The following CACNG2 variants were observed in gnomAD, a reference collection of about 807,000 sequenced individuals.
CACNG2 encodes calcium voltage-gated channel auxiliary subunit gamma 2.
A neutral mutation model predicts 25.9 loss-of-function variants in CACNG2; 3 were observed. The observed-to-expected ratio is 0.12, with a 90% CI of 0.05 to 0.30. The LOEUF (loss-of-function observed/expected upper bound fraction) is 0.30. Among genes scored for constraint, CACNG2 ranks in the 10% least tolerant of loss-of-function variants. CACNG2 has a pLI of 1.00. For missense variants in CACNG2, 341 were observed against 432.5 expected (o/e 0.79, Z 1.88); for synonymous variants, 167 against 173.3 (o/e 0.96, Z 0.29).
intron 1 of CACNG2, among the ~76,000 whole-genome samples, chr22:36,597,006 CCACT>C (rs1228850412): frequency 2.0e-5 from 3 of 151,994 alleles, no homozygotes; most frequent in Non-Finnish European, 4.4e-5. Context: ...CCCTCCTCAG[CCACT>C]CAGAGTTCCT....
chr22:36,568,390 CTT>C (rs753055859), intron 2 of CACNG2, among the ~76,000 whole-genome samples: 3 of 151,866 alleles, frequency 2.0e-5, no homozygotes, highest in Non-Finnish European at 4.4e-5. Context: ...TTTTCTTTTT[CTT>C]TTTTAAAATT....
At chr22:36,578,199 T>TA (rs1045968556) in intron 2 of CACNG2, among the ~76,000 whole-genome samples, 21 of 150,326 alleles carry the variant, frequency 1.4e-4, no homozygotes, top group East Asian at 3.9e-4. Flanking sequence ...CCGTCTCTAC[T>TA]AAAAAAAAAT....
At chr22:36,674,345 T>C (rs1015491324) in intron 1 of CACNG2, among the ~76,000 whole-genome samples, 4 of 152,240 alleles carry the variant, frequency 2.6e-5, no homozygotes, top group Non-Finnish European at 4.4e-5. Context: ...TGCTTTTTTT[T>C]TGAGACGGAG....
At chr22:36,670,921 CTT>C (rs746898344) in intron 1 of CACNG2, among the ~76,000 whole-genome samples, 17 of 132,830 alleles carry the variant, frequency 1.3e-4, no homozygotes, top group Admixed American at 2.3e-4. Context: ...AGTCTATATT[CTT>C]TTTTTTTTTT....
chr22:36,648,057 G>A (rs1419608696), intron 1 of CACNG2, among the ~76,000 whole-genome samples: 6 of 152,194 alleles, frequency 3.9e-5, no homozygotes, highest in Non-Finnish European at 8.8e-5. Context: ...GTCTAATAAA[G>A]CAAAAGCCAG....
At chr22:36,697,539 T>C (rs571910232) in intron 1 of CACNG2, among the ~76,000 whole-genome samples, 1 of 152,276 alleles carries the variant, frequency 6.6e-6, no homozygotes, top group Admixed American at 6.5e-5. Context: ...CTTTGGTGTG[T>C]TGTTCATTCC....
At chr22:36,671,254 A>G (rs1936945335) in intron 1 of CACNG2, among the ~76,000 whole-genome samples, 2 of 152,230 alleles carry the variant, frequency 1.3e-5, no homozygotes. Flanking sequence ...TTATATACTT[A>G]GAAAGAAATG....
chr22:36,570,076 C>G (rs1394434201), intron 2 of CACNG2, among the ~76,000 whole-genome samples: 1 of 152,258 alleles, frequency 6.6e-6, no homozygotes, highest in Non-Finnish European at 1.5e-5. Context: ...TGTGCCCTCA[C>G]AGCAAATGGA....
chr22:36,601,975 C>A (rs955701609), intron 1 of CACNG2, among the ~76,000 whole-genome samples: 1 of 152,214 alleles, frequency 6.6e-6, no homozygotes, highest in South Asian at 2.1e-4. Context: ...ACACCCTCGC[C>A]GACACTCGTT....
At chr22:36,659,235 C>T (rs1936752539) in intron 1 of CACNG2, among the ~76,000 whole-genome samples, 1 of 152,014 alleles carries the variant, frequency 6.6e-6, no homozygotes, top group African/African-American at 2.4e-5. Context: ...AGGGCCTGGG[C>T]AGCAACTTGT....
chr22:36,687,597 T>A (rs932450749), intron 1 of CACNG2, among the ~76,000 whole-genome samples: 1 of 152,222 alleles, frequency 6.6e-6, no homozygotes, highest in African/African-American at 2.4e-5. Flanking sequence ...CCCAAAGATG[T>A]CCACATCCCA....
chr22:36,632,601 T>G (rs1168649509), intron 1 of CACNG2, among the ~76,000 whole-genome samples: 2 of 151,890 alleles, frequency 1.3e-5, no homozygotes, highest in Non-Finnish European at 2.9e-5. Context: ...GCTTGTCAGA[T>G]CTGATGGTCA....
chr22:36,610,849 C>T lies in CACNG2; in HGVS notation c.212-23301G>A, dbSNP rs140789779. ...AGGTAGGGGTTCTTGGGGAGACCGC[C>T]AAGGCCTCTGCCACCCTCGCTTAGG... is the stretch of plus-strand genomic sequence containing the variant. On this transcript the variant is annotated intron_variant, in intron 1 of 3. Transcript: ENST00000300105. Among the ~76,000 whole-genome samples the T allele has an allele frequency of 2.5e-4, 38 of 152,298 alleles. No homozygotes were observed. In the Middle Eastern group the frequency reaches 0.01, roughly 41 times the overall value.
At chr22:36,578,697 T>C (rs1346411910) in intron 2 of CACNG2, among the ~76,000 whole-genome samples, 6 of 152,182 alleles carry the variant, frequency 3.9e-5, no homozygotes, top group African/African-American at 1.4e-4. Flanking sequence ...AGGGTGGCTC[T>C]GGCCCAGGTT....
At chr22:36,663,819 G>GT (rs1238899476) in intron 1 of CACNG2, among the ~76,000 whole-genome samples, 6 of 152,162 alleles carry the variant, frequency 3.9e-5, no homozygotes. Context: ...TCTGTGGGGG[G>GT]CTGGAAGACA....
At chr22:36,669,269 A>T (rs1936915764) in intron 1 of CACNG2, among the ~76,000 whole-genome samples, 1 of 151,948 alleles carries the variant, frequency 6.6e-6, no homozygotes, top group Non-Finnish European at 1.5e-5. Flanking sequence ...TGGGAGGCTG[A>T]GGTGGGTGGA....
At chr22:36,683,407 G>A (rs1937152790) in intron 1 of CACNG2, among the ~76,000 whole-genome samples, 1 of 152,170 alleles carries the variant, frequency 6.6e-6, no homozygotes, top group Non-Finnish European at 1.5e-5. Context: ...TAAGAGTCAG[G>A]AAGGAAATGC....
At chr22:36,571,459 A>G (rs1935222531) in intron 2 of CACNG2, among the ~76,000 whole-genome samples, 1 of 151,826 alleles carries the variant, frequency 6.6e-6, no homozygotes, top group Non-Finnish European at 1.5e-5. Flanking sequence ...TCCATCTCAG[A>G]AAAAAAGAAA....
intron 1 of CACNG2, among the ~76,000 whole-genome samples, chr22:36,655,540 T>A (rs1450867073): frequency 6.6e-6 from 1 of 152,226 alleles, no homozygotes; most frequent in East Asian, 1.9e-4. Flanking sequence ...TTTATCGCCC[T>A]TTATAGATTC....
Sources: gnomAD v4.1 joint callset for allele counts (sites outside exome capture counted in the v4.1 genomes callset) on GRCh38, gnomAD v4.1.1 for gene constraint, MANE v1.5 for transcripts, NCBI Gene and HGNC (gene_info 2026-07-23, HGNC 2026-07-21) for gene names.